Variants in TRPS1 observed in about 807,000 individuals in gnomAD.
TRPS1 encodes transcriptional repressor GATA binding 1.
In TRPS1, 6 loss-of-function variants were observed where a neutral mutation model predicts 101.2. The ratio of observed to expected loss-of-function variants is 0.06; its 90% CI spans 0.03 to 0.12. TRPS1 has a LOEUF of 0.12. Ranked by LOEUF, TRPS1 falls within the 10% of genes least tolerant of loss-of-function variation. The pLI is 1.00. For missense variants in TRPS1, 1,363 were observed against 1,567.0 expected (o/e 0.87, Z 2.20); for synonymous variants, 578 against 589.8 (o/e 0.98, Z 0.29).
intron 5 of TRPS1, among the ~76,000 whole-genome samples, chr8:115,538,149 C>A (rs187498497): frequency 6.6e-6 from 1 of 152,064 alleles, no homozygotes; most frequent in Non-Finnish European, 1.5e-5. Context: ...TGCATTTTCC[C>A]GTAATCTCTC....
At chr8:115,559,029 T>C (rs1816888844) in intron 5 of TRPS1, among the ~76,000 whole-genome samples, 1 of 152,154 alleles carries the variant, frequency 6.6e-6, no homozygotes, top group South Asian at 2.1e-4. Flanking sequence ...TGTATCCACA[T>C]TTCAAAATCT....
At chr8:115,477,905 T>C (rs1024034936) in intron 5 of TRPS1, among the ~76,000 whole-genome samples, 1 of 152,132 alleles carries the variant, frequency 6.6e-6, no homozygotes, top group Non-Finnish European at 1.5e-5. Flanking sequence ...TATATTATAG[T>C]GTGTTCAGCA....
intron 3 of TRPS1, among the ~76,000 whole-genome samples, chr8:115,613,198 C>A (rs1427050495): frequency 8.5e-5 from 13 of 152,110 alleles, no homozygotes; most frequent in Non-Finnish European, 1.6e-4. Flanking sequence ...AAATTTGCAC[C>A]TTATTCGCTC....
At chr8:115,576,019 T>C (rs1817308981) in intron 5 of TRPS1, among the ~76,000 whole-genome samples, 1 of 152,162 alleles carries the variant, frequency 6.6e-6, no homozygotes, top group Non-Finnish European at 1.5e-5. Flanking sequence ...GCCAAGAAAC[T>C]GAGGAAGGAG....
intron 6 of TRPS1, among the ~76,000 whole-genome samples, chr8:115,416,171 C>T (rs1812914408): frequency 6.6e-6 from 1 of 152,066 alleles, no homozygotes; most frequent in South Asian, 2.1e-4. Context: ...TGCTAACTTT[C>T]ATTCAGCTTA....
Position 115,460,784 on chromosome 8 carries a change from C to T in TRPS1, c.2701-42332G>A, listed in dbSNP as rs73367486. ...ACCAAACTTTCCTCCTTGCCAAAAC[C>T]TTTGTAGCATGCATTCATTCAAGCA... On this transcript the variant is annotated intron_variant, in intron 5 of 6. Transcript: ENST00000395715. Among the ~76,000 whole-genome samples the T allele has an allele frequency of 9.5e-3, 1,447 of 152,218 alleles. 19 individuals are homozygous for T. Among genetic ancestry groups the T allele is most frequent in the African/African-American group, 0.033 (1,368 of 41,526 alleles).
chr8:115,583,805 T>C (rs924240129), intron 5 of TRPS1, among the ~76,000 whole-genome samples: 1 of 151,744 alleles, frequency 6.6e-6, no homozygotes, highest in African/African-American at 2.4e-5. Flanking sequence ...TCCATACTAA[T>C]AACAAGGGAA....
At chr8:115,442,916 C>A (rs1379939074) in intron 5 of TRPS1, among the ~76,000 whole-genome samples, 2 of 151,194 alleles carry the variant, frequency 1.3e-5, no homozygotes, top group African/African-American at 4.9e-5. Flanking sequence ...ACGGTGAAAA[C>A]CCATCTCTAC....
intron 5 of TRPS1, among the ~76,000 whole-genome samples, chr8:115,517,548 A>G (rs544502842): frequency 1.1e-5 from 1 of 90,568 alleles, no homozygotes; most frequent in East Asian, 3.2e-4. Flanking sequence ...ATAACATTAT[A>G]ACAACAAAAA....
intron 1 of TRPS1, among the ~76,000 whole-genome samples, chr8:115,626,817 G>T (rs769652296): frequency 6.6e-6 from 1 of 151,704 alleles, no homozygotes; most frequent in Non-Finnish European, 1.5e-5. Flanking sequence ...AGGTTTTGAT[G>T]CTAGCCCAAA....
At chr8:115,606,822 A>T (rs1818048809) in intron 3 of TRPS1, among the ~76,000 whole-genome samples, 1 of 151,720 alleles carries the variant, frequency 6.6e-6, no homozygotes. Context: ...AAAAAAAAAA[A>T]AAAAAATACA....
intron 5 of TRPS1, among the ~76,000 whole-genome samples, chr8:115,456,290 G>A (rs17728284): frequency 0.26 from 39,903 of 151,848 alleles, 6,138 homozygotes; most frequent in Middle Eastern, 0.44. Flanking sequence ...TCTATGTTAC[G>A]TGACCCTGAA....
intron 5 of TRPS1, among the ~76,000 whole-genome samples, chr8:115,568,592 T>C (rs747965625): frequency 6.6e-6 from 1 of 152,124 alleles, no homozygotes; most frequent in Non-Finnish European, 1.5e-5. Flanking sequence ...GCATGAGATA[T>C]AAAACGTGCC....
intron 5 of TRPS1, among the ~76,000 whole-genome samples, chr8:115,490,676 T>C (rs1010428683): frequency 2.0e-5 from 3 of 152,188 alleles, no homozygotes; most frequent in Non-Finnish European, 2.9e-5. Context: ...CACAGGTGTA[T>C]CAGCCCAAAG....
intron 4 of TRPS1, among the ~76,000 whole-genome samples, chr8:115,596,253 A>G (rs952965971): frequency 6.6e-6 from 1 of 151,954 alleles, no homozygotes; most frequent in African/African-American, 2.4e-5. Context: ...AACAATGAAC[A>G]TTTTAATATT....
chr8:115,584,298 C>A (rs755930513), intron 5 of TRPS1, among the ~76,000 whole-genome samples: 3 of 151,788 alleles, frequency 2.0e-5, no homozygotes, highest in Non-Finnish European at 2.9e-5. Flanking sequence ...AATATACTTG[C>A]TCTATTAATG....
At chr8:115,545,212 G>T (rs991570328) in intron 5 of TRPS1, among the ~76,000 whole-genome samples, 2 of 152,148 alleles carry the variant, frequency 1.3e-5, no homozygotes, top group African/African-American at 4.8e-5. Context: ...CAGGAAGAAA[G>T]AATACACTGA....
intron 5 of TRPS1, among the ~76,000 whole-genome samples, chr8:115,522,571 C>A (rs1176124630): frequency 6.6e-6 from 1 of 151,982 alleles, no homozygotes; most frequent in African/African-American, 2.4e-5. Context: ...GAGGTGAGAG[C>A]TGACTCAGTT....
intron 3 of TRPS1, among the ~76,000 whole-genome samples, chr8:115,617,839 C>A (rs1330564538): frequency 1.3e-5 from 2 of 152,132 alleles, no homozygotes; most frequent in Non-Finnish European, 2.9e-5. Flanking sequence ...AGAAATAATT[C>A]TATCTGTGGA....
Sources: gnomAD v4.1 joint callset for allele counts (sites outside exome capture counted in the v4.1 genomes callset) on GRCh38, gnomAD v4.1.1 for gene constraint, MANE v1.5 for transcripts, NCBI Gene and HGNC (gene_info 2026-07-23, HGNC 2026-07-21) for gene names.